The following GANC variants were observed in gnomAD, a reference collection of about 807,000 sequenced individuals.
The protein encoded by GANC is glucosidase alpha, neutral C.
Under a neutral mutation model 124.2 loss-of-function variants are expected in GANC, and 117 were observed. The ratio of observed to expected loss-of-function variants is 0.94; its 90% confidence interval spans 0.81 to 1.10. The LOEUF (loss-of-function observed/expected upper bound fraction) is 1.10, where lower values mean the gene tolerates loss of function less well. GANC is among the 50% of genes least tolerant of loss of function. GANC has a pLI of 0.00. For missense variants in GANC, 1,140 were observed against 1,095.0 expected (o/e 1.04, Z -0.58); for synonymous variants, 377 against 376.8 (o/e 1.00, Z -0.01).
At chr15:42,302,779 A>G (rs985996795) in intron 6 of GANC, among the ~76,000 whole-genome samples, 1 of 152,154 alleles carries the variant, frequency 6.6e-6, no homozygotes. Context: ...ACTTAATGGA[A>G]TAAAGAGTGA....
chr15:42,349,809 C>G (rs143635492), intron 22 of GANC, among the ~76,000 whole-genome samples: 5 of 151,286 alleles, frequency 3.3e-5, no homozygotes, highest in Non-Finnish European at 1.5e-5. Context: ...CCAACATACC[C>G]GGCTAATTTT....
At chr15:42,300,595 T>C (rs1253750354) in intron 6 of GANC, among the ~76,000 whole-genome samples, 1 of 152,212 alleles carries the variant, frequency 6.6e-6, no homozygotes, top group African/African-American at 2.4e-5. Context: ...GTCCCATTAC[T>C]TGGTATATAC....
At chr15:42,333,988 T>C (rs1216727235) in intron 15 of GANC, among the ~76,000 whole-genome samples, 1 of 152,164 alleles carries the variant, frequency 6.6e-6, no homozygotes, top group Non-Finnish European at 1.5e-5. Flanking sequence ...GGCAATTTAA[T>C]GGAGAAATTA....
At chr15:42,332,313 TATC>T (rs2052252533) in intron 15 of GANC, among the ~76,000 whole-genome samples, 3 of 152,192 alleles carry the variant, frequency 2.0e-5, no homozygotes, top group Non-Finnish European at 1.5e-5. Flanking sequence ...TGTCTACAAG[TATC>T]ATTTTTAATC....
chr15:42,339,994 C>T (rs932317116), intron 17 of GANC, 82 bp downstream of exon 17: 1 of 1,473,778 alleles, frequency 6.8e-7, no homozygotes, highest in Non-Finnish European at 9.2e-7. Flanking sequence ...GCAATAATTA[C>T]AGTGATTTCA....
At chr15:42,340,044 C>T in intron 17 of GANC, 132 bp downstream of exon 17, 1 of 1,258,976 alleles carries the variant, frequency 7.9e-7, no homozygotes, top group Non-Finnish European at 1.1e-6. Context: ...AATCAAGTTT[C>T]AATAAGCTTA....
At chr15:42,351,947 G>T in intron 23 of GANC, 83 bp from the exon 24 acceptor site, 1 of 1,548,292 alleles carries the variant, frequency 6.5e-7, no homozygotes, top group Non-Finnish European at 8.8e-7. Context: ...GATACAGTGA[G>T]AAAACATTTC....
In GANC at chr15:42,327,516, A is replaced by T. The variant is rs1246827544; in HGVS notation, c.1500+74A>T. The T allele has an allele frequency of 6.7e-6, 8 of 1,194,196 alleles. No individual in the cohort carries two copies. In the East Asian group the frequency reaches 1.9e-4, roughly 28 times the overall value. The allele number at this position is 1,194,196 out of a possible 1,614,324, so 74.0% of individuals were successfully genotyped here. On this transcript the variant is annotated intron_variant, in intron 13 of 23. Coordinates refer to ENST00000318010, the MANE Select transcript of GANC (RefSeq NM_198141.3). ...GAAGTGGAAAAAGTGATTGAATAAAACTATTCTTTTTCATTGAGTAGCTTT... is the reference window on the plus strand; with the variant it reads ...GAAGTGGAAAAAGTGATTGAATAAATCTATTCTTTTTCATTGAGTAGCTTT...
At chr15:42,345,695 C>A in intron 19 of GANC, 63 bp from the exon 20 acceptor site, 2 of 912,344 alleles carry the variant, frequency 2.2e-6, no homozygotes, top group Non-Finnish European at 3.5e-6. Context: ...ATTTTGCTGA[C>A]TAATGAAATG....
chr15:42,318,498 A>C (rs1427965963), intron 10 of GANC, among the ~76,000 whole-genome samples: 2 of 152,162 alleles, frequency 1.3e-5, no homozygotes. Flanking sequence ...TATATAATCT[A>C]TCTTTTCTCT....
chr15:42,329,835 AGCAAAT>A (rs1289447375), intron 14 of GANC, among the ~76,000 whole-genome samples: 1 of 152,256 alleles, frequency 6.6e-6, no homozygotes, highest in African/African-American at 2.4e-5. Context: ...ATCTAAATAC[AGCAAAT>A]CTTATATTCA....
At chr15:42,297,912 G>A (rs1419281539) in intron 6 of GANC, among the ~76,000 whole-genome samples, 5 of 152,120 alleles carry the variant, frequency 3.3e-5, no homozygotes, top group African/African-American at 4.8e-5. Context: ...ATTATTGCTA[G>A]GCAAGGAGAA....
At chr15:42,327,799 A>G (rs1595779703) in intron 13 of GANC, among the ~76,000 whole-genome samples, 1 of 152,206 alleles carries the variant, frequency 6.6e-6, no homozygotes, top group South Asian at 2.1e-4. Context: ...ATATCTTACA[A>G]CGTATTTGTC....
intron 10 of GANC, among the ~76,000 whole-genome samples, chr15:42,320,751 A>G (rs573837398): frequency 6.6e-6 from 1 of 151,470 alleles, no homozygotes; most frequent in African/African-American, 2.4e-5. Context: ...ACCTGCCTCC[A>G]TTCATATTTC....
At chr15:42,310,592 A>G in intron 9 of GANC, 101 bp from the exon 10 acceptor site, 1 of 1,484,054 alleles carries the variant, frequency 6.7e-7, no homozygotes, top group Non-Finnish European at 9.1e-7. Flanking sequence ...ATCAGTGAAT[A>G]TCAGTAGTAT....
intron 7 of GANC, among the ~76,000 whole-genome samples, chr15:42,307,607 C>T (rs546200269): frequency 1.3e-5 from 2 of 152,318 alleles, no homozygotes; most frequent in African/African-American, 4.8e-5. Flanking sequence ...TTAAAGTCCA[C>T]GTTATACCTC....
At chr15:42,314,334 A>G (rs553541478) in intron 10 of GANC, 2 of 569,942 alleles carry the variant, frequency 3.5e-6, no homozygotes, top group East Asian at 3.1e-5. Context: ...TCTGGTGGCC[A>G]TGGGATTGGG....
At position 42,343,120 on chromosome 15, in the gene GANC, C is replaced by T. The variant is rs750987884; in HGVS notation, c.2195C>T (p.Thr732Ile). 4.6e-5 allele frequency: 75 copies of T among 1,614,004 alleles called. No individual in the cohort carries two copies. Among genetic ancestry groups the T allele is most frequent in the Non-Finnish European group, 6.2e-5 (73 of 1,180,006 alleles). ...CATCCAGTCACAGAACCAAAAGCCA[C>T]CACAGTTGATGTGTTTCTTCCAGGA... ...LVHPVTEPKA[T>I]TVDVFLPGSN... The change falls in exon 19 of 24, where the codon ACC becomes ATC. Residue 732 changes from threonine (T) to isoleucine (I), a missense_variant. Transcript: ENST00000318010.
At position 42,349,403 on chromosome 15, in the gene GANC, A is replaced by G. The variant is rs2052400171; in HGVS notation, c.2439A>G (p.Leu813=). ...LSTKGSSVGE[L]YLDDGHSFQY... is the part of the protein sequence containing the mutation. The stretch of plus-strand genomic sequence containing the variant: ...TCCAGGGTTCTTCAGTGGGTGAGTT[A>G]TATCTTGATGATGGCCATTCATTCC... The change falls in exon 22 of 24, where the codon TTA becomes TTG. Residue 813 remains leucine (L), a synonymous_variant. Coordinates refer to ENST00000318010, the MANE Select transcript of GANC (RefSeq NM_198141.3). 1 of 1,611,722 alleles carries G rather than the reference A, an allele frequency of 6.2e-7. No homozygotes were observed. The highest frequency in any genetic ancestry group is 8.5e-7 in the Non-Finnish European group (1 of 1,177,852).
Sources: gnomAD v4.1 joint callset for allele counts (sites outside exome capture counted in the v4.1 genomes callset) on GRCh38, gnomAD v4.1.1 for gene constraint, MANE v1.5 for transcripts, NCBI Gene and HGNC (gene_info 2026-07-23, HGNC 2026-07-21) for gene names.